Variants in PCBD2 observed in about 807,000 individuals in gnomAD.
PCBD2 encodes pterin-4-alpha-carbinolamine dehydratase 2.
In PCBD2, 12 loss-of-function variants were observed where a neutral mutation model predicts 16.4. That is an observed-to-expected ratio of 0.73 (90% CI 0.47 to 1.19). The LOEUF (loss-of-function observed/expected upper bound fraction) is 1.19, where lower values mean the gene tolerates loss of function less well. PCBD2 is among the 50% of genes most tolerant of loss of function. The pLI is 0.00. For synonymous variants in PCBD2, 58 were observed against 61.8 expected, an observed-to-expected ratio of 0.94 and a Z score of 0.29; for missense variants, 138 against 156.8, an observed-to-expected ratio of 0.88 and a Z score of 0.64.
At chr5:134,950,270 G>C (rs1295535688) in intron 2 of PCBD2, among the ~76,000 whole-genome samples, 1 of 151,252 alleles carries the variant, frequency 6.6e-6, no homozygotes, top group Admixed American at 6.6e-5. Flanking sequence ...CATTTTCTTA[G>C]TGGGAGATAT....
chr5:134,936,733 T>A (rs1297294227), intron 2 of PCBD2, among the ~76,000 whole-genome samples: 3 of 152,202 alleles, frequency 2.0e-5, no homozygotes, highest in African/African-American at 7.2e-5. Flanking sequence ...TAGCTACCTT[T>A]AAGATCCCCG....
intron 2 of PCBD2, among the ~76,000 whole-genome samples, chr5:134,951,500 G>A (rs1751358223): frequency 6.6e-6 from 1 of 152,094 alleles, no homozygotes; most frequent in African/African-American, 2.4e-5. Context: ...TAATTTATGA[G>A]TATGTCTGCA....
At chr5:134,946,754 T>C (rs1380678999) in intron 2 of PCBD2, among the ~76,000 whole-genome samples, 4 of 152,180 alleles carry the variant, frequency 2.6e-5, no homozygotes, top group Non-Finnish European at 2.9e-5. Flanking sequence ...AAATATTTTT[T>C]GAGTCGCTGT....
At position 134,961,918 on chromosome 5, in the gene PCBD2, C is replaced by T. The variant is rs1269318871; in HGVS notation, c.*1237C>T. Among the ~76,000 whole-genome samples the T allele has an allele frequency of 1.3e-5, 2 of 152,056 alleles. No homozygotes were observed. The highest frequency in any genetic ancestry group is 2.1e-4 in the South Asian group (1 of 4,814). On this transcript the variant is annotated 3_prime_UTR_variant, in exon 4 of 4. Transcript: ENST00000254908. Reference sequence around the variant, plus strand: ...CTGGGACTATAGGCAAGTGCCACCACGCCTGACTAATTTTTAAATTTTTTG... The same window carrying T: ...CTGGGACTATAGGCAAGTGCCACCATGCCTGACTAATTTTTAAATTTTTTG...
At position 134,927,540 on chromosome 5, in the gene PCBD2, T is replaced by C. The variant is rs370291376; in HGVS notation, c.216+17074T>C. 8 of 397,376 alleles carry C rather than the reference T, an allele frequency of 2.0e-5. No individual in the cohort carries two copies. In the East Asian group the frequency reaches 2.5e-4, roughly 12 times the overall value. The allele number at this position is 397,376 out of a possible 1,614,324, so 24.6% of individuals were successfully genotyped here. A position where few individuals can be genotyped will look rare whatever the true frequency, so the allele number is the denominator to read the frequency against. ...CAGTGAGCCTAGGGTGTTGTGGGTG[T>C]AGATTAGTGCGATGAGTAGGGGGAG... On this transcript the variant is annotated intron_variant, in intron 2 of 3. Transcript: ENST00000254908.
chr5:134,955,031 T>G (rs1751399155), intron 2 of PCBD2, among the ~76,000 whole-genome samples: 3 of 151,878 alleles, frequency 2.0e-5, no homozygotes, highest in Admixed American at 1.3e-4. Context: ...TGTGAGCCAC[T>G]GTGTCTGGCC....
chr5:134,955,599 C>T (rs1158468190), intron 2 of PCBD2, among the ~76,000 whole-genome samples: 1 of 151,920 alleles, frequency 6.6e-6, no homozygotes, highest in African/African-American at 2.4e-5. Context: ...TGAGCCACCA[C>T]GCCCAGCCAA....
chr5:134,934,396 A>G (rs1420829181), intron 2 of PCBD2, among the ~76,000 whole-genome samples: 1 of 152,220 alleles, frequency 6.6e-6, no homozygotes, highest in Non-Finnish European at 1.5e-5. Context: ...CTTAGAGATC[A>G]GTAATTGTTA....
chr5:134,941,859 C>T (rs1751232725), intron 2 of PCBD2, among the ~76,000 whole-genome samples: 1 of 151,782 alleles, frequency 6.6e-6, no homozygotes, highest in Non-Finnish European at 1.5e-5. Context: ...TGGCTCACGC[C>T]TGTAATCCCA....
Position 134,905,221 on chromosome 5 carries a change from A to C in PCBD2, c.82A>C (p.Met28Leu). ...AGGCCAGAGCCTAGGGCTAGCGGCC[A>C]TGGTGAGTGCACAGCGGCCGCGTGG... is the stretch of plus-strand genomic sequence containing the variant. ...LRGQSLGLAA[M>L]SSGTHRLTAE... The change falls in exon 1 of 4, where the codon ATG (methionine) becomes CTG (leucine). Residue 28 changes from methionine to leucine, a missense_variant and splice_region_variant. Coordinates refer to ENST00000254908, the MANE Select transcript of PCBD2 (RefSeq NM_032151.5). 1 of 1,198,276 alleles carries C rather than the reference A, an allele frequency of 8.3e-7. No homozygotes were observed. The highest frequency in any genetic ancestry group is 1.0e-6 in the Non-Finnish European group (1 of 967,880). 74.2% of individuals were successfully genotyped at this position (1,198,276 alleles called of 1,614,324 possible). A position where few individuals can be genotyped will look rare whatever the true frequency, so the allele number is the denominator to read the frequency against.
At chr5:134,914,001 T>C (rs1157160538) in intron 2 of PCBD2, among the ~76,000 whole-genome samples, 1 of 152,046 alleles carries the variant, frequency 6.6e-6, no homozygotes, top group Non-Finnish European at 1.5e-5. Context: ...GAGGTACTTA[T>C]TAGTCATCCA....
At position 134,916,026 on chromosome 5, in the gene PCBD2, C is replaced by T. The variant is rs555941276; in HGVS notation, c.216+5560C>T. Reference sequence around the variant, plus strand: ...TTTGGGGGCCAGGCACGATGGCTCACGCCTGTAATCCCAGAACTCTGGGAG... The same window carrying T: ...TTTGGGGGCCAGGCACGATGGCTCATGCCTGTAATCCCAGAACTCTGGGAG... On this transcript the variant is annotated intron_variant, in intron 2 of 3. Coordinates refer to ENST00000254908, the MANE Select transcript of PCBD2 (RefSeq NM_032151.5). Among the ~76,000 whole-genome samples, 10 of 152,256 alleles carry T rather than the reference C, an allele frequency of 6.6e-5. No individual in the cohort carries two copies. In the South Asian group the frequency reaches 1.0e-3, roughly 16 times the overall value.
rs181058960 is a variant in PCBD2, at chr5:134,962,275, G to A, written c.*1594G>A. 3.6e-3 allele frequency among the ~76,000 whole-genome samples: 543 copies of A among 152,068 alleles called. 4 individuals carry two copies. The highest frequency in any genetic ancestry group is 0.027 in the Middle Eastern group (8 of 294). The stretch of plus-strand genomic sequence containing the variant: ...CCTGGCTTATTTTTAAAACTTTTTT[G>A]TGGAGACAGGGTCTTACTATGTTGC... On this transcript the variant is annotated 3_prime_UTR_variant, in exon 4 of 4. Transcript: ENST00000254908.
At chr5:134,935,842 G>T (rs1467284482) in intron 2 of PCBD2, among the ~76,000 whole-genome samples, 3 of 152,174 alleles carry the variant, frequency 2.0e-5, no homozygotes. Flanking sequence ...AAGTGTTGGC[G>T]CCGAGGCTAG....
intron 2 of PCBD2, among the ~76,000 whole-genome samples, chr5:134,945,290 G>C (rs1751278949): frequency 6.6e-6 from 1 of 152,186 alleles, no homozygotes; most frequent in Admixed American, 6.5e-5. Context: ...CAGAGATGGA[G>C]CTTTGCTGTG....
intron 1 of PCBD2, among the ~76,000 whole-genome samples, chr5:134,909,207 CA>C (rs543404260): frequency 6.3e-4 from 96 of 152,346 alleles, no homozygotes; most frequent in African/African-American, 2.2e-3. Context: ...ACAGTGCACA[CA>C]AGTGCTTTGG....
intron 2 of PCBD2, among the ~76,000 whole-genome samples, chr5:134,936,643 A>G (rs957798392): frequency 2.6e-5 from 4 of 152,090 alleles, no homozygotes; most frequent in African/African-American, 9.7e-5. Context: ...TTGCAGTATG[A>G]TTTTGTTTCT....
chr5:134,959,882 GC>G (rs368695253), intron 3 of PCBD2, among the ~76,000 whole-genome samples: 1 of 128,578 alleles, frequency 7.8e-6, no homozygotes, highest in Non-Finnish European at 1.6e-5. Flanking sequence ...TTAGAAATGT[GC>G]TTTTTTTTTT....
chr5:134,910,525 C>T (rs1296912683), intron 2 of PCBD2, 59 bp downstream of exon 2: 1 of 1,564,322 alleles, frequency 6.4e-7, no homozygotes, highest in South Asian at 1.1e-5. Flanking sequence ...TAGGCCATAA[C>T]ACTTTCTGAT....
Sources: gnomAD v4.1 joint callset for allele counts (sites outside exome capture counted in the v4.1 genomes callset) on GRCh38, gnomAD v4.1.1 for gene constraint, MANE v1.5 for transcripts, NCBI Gene and HGNC (gene_info 2026-07-23, HGNC 2026-07-21) for gene names.